Variants in SERPINB13 observed in about 807,000 individuals in gnomAD.
SERPINB13 encodes the protein serpin family B member 13, also known as serpin B13.
A neutral mutation model predicts 31.2 loss-of-function variants in SERPINB13; 26 were observed. The ratio of observed to expected loss-of-function variants is 0.83; its 90% CI spans 0.61 to 1.15. The LOEUF (loss-of-function observed/expected upper bound fraction) is 1.15, where lower values mean the gene tolerates loss of function less well. Among genes scored for constraint, SERPINB13 ranks in the 50% most tolerant of loss-of-function variants. The pLI is 0.00. For missense variants in SERPINB13, 510 were observed against 469.4 expected, an observed-to-expected ratio of 1.09 and a Z score of -0.80; for synonymous variants, 191 against 172.4, an observed-to-expected ratio of 1.11 and a Z score of -0.85.
chr18:63,589,329 G>A (rs1911705815), intron 2 of SERPINB13, among the ~76,000 whole-genome samples: 1 of 152,040 alleles, frequency 6.6e-6, no homozygotes, highest in South Asian at 2.1e-4. Context: ...GGTGGCAGGT[G>A]CTTATAATCC....
intron 4 of SERPINB13, 34 bp from the exon 5 acceptor site, chr18:63,592,820 A>T (rs779527642): frequency 8.6e-5 from 116 of 1,351,092 alleles, no homozygotes; most frequent in Non-Finnish European, 1.1e-4. Context: ...TGAGTTTTTA[A>T]CCTCTTTTTA....
chr18:63,590,069 AC>A (rs1911763134), intron 3 of SERPINB13: 1 of 194,334 alleles, frequency 5.1e-6, no homozygotes, highest in Non-Finnish European at 1.0e-5. Context: ...GAGCGATGCT[AC>A]TTTGGGCAAG....
In SERPINB13 at chr18:63,597,453, T is replaced by C; in HGVS notation, c.*90T>C. On this transcript the variant is annotated 3_prime_UTR_variant, in exon 8 of 8. Coordinates refer to ENST00000344731, the MANE Select transcript of SERPINB13 (RefSeq NM_012397.4). Reference sequence around the variant, plus strand: ...TATGAAAATCGTCCATTCTTTTAAATGTTGTCTCACTTGCATTTCCAGTCT... The same window carrying C: ...TATGAAAATCGTCCATTCTTTTAAACGTTGTCTCACTTGCATTTCCAGTCT... The C allele has an allele frequency of 1.5e-6, 2 of 1,366,752 alleles. No homozygotes were observed. Among genetic ancestry groups the C allele is most frequent in the Non-Finnish European group, 2.0e-6 (2 of 1,005,354 alleles). 84.7% of individuals were successfully genotyped at this position (1,366,752 alleles called of 1,614,324 possible).
chr18:63,591,865 C>T (rs1306871099), intron 3 of SERPINB13, among the ~76,000 whole-genome samples: 1 of 151,404 alleles, frequency 6.6e-6, no homozygotes, highest in Middle Eastern at 3.4e-3. Flanking sequence ...TTTTTTTTCC[C>T]CTGGAGACAA....
chr18:63,592,571 C>T (rs1911919967), intron 4 of SERPINB13, 95 bp downstream of exon 4: 2 of 1,264,108 alleles, frequency 1.6e-6, no homozygotes, highest in South Asian at 2.8e-5. Flanking sequence ...TGCTGCCTGG[C>T]TCTGGCCACA....
At chr18:63,595,435 A>C (rs549072263) in intron 7 of SERPINB13, among the ~76,000 whole-genome samples, 5 of 152,210 alleles carry the variant, frequency 3.3e-5, no homozygotes, top group Non-Finnish European at 7.3e-5. Context: ...ACGATCACCC[A>C]CCATTCTGAG....
At chr18:63,594,282 G>T (rs759511075) in intron 5 of SERPINB13, 73 bp from the exon 6 acceptor site, 1 of 1,597,248 alleles carries the variant, frequency 6.3e-7, no homozygotes, top group Non-Finnish European at 8.6e-7. Context: ...AAGTCCATCT[G>T]CATCATATTT....
intron 3 of SERPINB13, among the ~76,000 whole-genome samples, chr18:63,590,324 TA>T (rs918402069): frequency 1.3e-5 from 2 of 152,182 alleles, no homozygotes; most frequent in Non-Finnish European, 2.9e-5. Context: ...GGGAAAGGAA[TA>T]AGCCCATTAG....
Position 63,595,112 on chromosome 18 carries a change from A to C in SERPINB13, c.699A>C (p.Leu233=). The change falls in exon 7 of 8, where the codon CTA becomes CTC. Residue 233 remains leucine (L), a synonymous_variant. Transcript: ENST00000344731. ...TFLEDLQAKI[L]GIPYKNNDLS... is the part of the protein sequence containing the mutation. ...TGGAGGACTTGCAGGCCAAAATTCTAGGGATTCCATATAAAAACAACGACC... is the reference window on the plus strand; with the variant it reads ...TGGAGGACTTGCAGGCCAAAATTCTCGGGATTCCATATAAAAACAACGACC... 6.2e-7 allele frequency: 1 copy of C among 1,614,108 alleles called. No individual in the cohort carries two copies. The highest frequency in any genetic ancestry group is 8.5e-7 in the Non-Finnish European group (1 of 1,179,990).
intron 4 of SERPINB13, 43 bp from the exon 5 acceptor site, chr18:63,592,811 G>T: frequency 8.1e-7 from 1 of 1,236,680 alleles, no homozygotes; most frequent in South Asian, 1.3e-5. Flanking sequence ...TTGATAAATT[G>T]AGTTTTTAAC....
intron 1 of SERPINB13, 83 bp downstream of exon 1, chr18:63,587,533 T>G (rs1180232633): frequency 6.6e-6 from 3 of 451,468 alleles, no homozygotes; most frequent in Non-Finnish European, 9.1e-6. Flanking sequence ...TTACTTTTAT[T>G]TTGCATAGAC....
chr18:63,590,605 G>C (rs1204622321), intron 3 of SERPINB13, among the ~76,000 whole-genome samples: 3 of 152,208 alleles, frequency 2.0e-5, no homozygotes, highest in Non-Finnish European at 2.9e-5. Flanking sequence ...TGTCTTCAGA[G>C]CACATTCTTT....
chr18:63,589,941 G>T, intron 3 of SERPINB13: 2 of 813,104 alleles, frequency 2.5e-6, no homozygotes, highest in African/African-American at 1.7e-5. Flanking sequence ...TAGGTGTAAT[G>T]GACAATACCG....
rs781288186 is a variant in SERPINB13 at position 63,588,851 on chromosome 18, G to A, written c.165+19G>A. On this transcript the variant is annotated intron_variant, in intron 2 of 7. Coordinates refer to ENST00000344731, the MANE Select transcript of SERPINB13 (RefSeq NM_012397.4). ...GGAGGAGGTTGGGCGCAGTCAGGGG[G>A]CTTCCTTGTTTCCTATGCACAAATT... 1.2e-6 allele frequency: 2 copies of A among 1,607,864 alleles called. No homozygotes were observed. Among genetic ancestry groups the A allele is most frequent in the South Asian group, 2.2e-5 (2 of 90,684 alleles).
rs1320566469 is a variant in SERPINB13 at position 63,587,368 on chromosome 18, A to G, written c.-100A>G. ...ACTGCTGAAGCAGATGTGGAGAACT[A>G]TAAATTAAGGATCCCAGCTACTTAA... is the stretch of plus-strand genomic sequence containing the variant. On this transcript the variant is annotated 5_prime_UTR_variant, in exon 1 of 8. Coordinates refer to ENST00000344731, the MANE Select transcript of SERPINB13 (RefSeq NM_012397.4). The G allele has an allele frequency of 2.1e-6, 1 of 468,808 alleles. No homozygotes were observed. Among genetic ancestry groups the G allele is most frequent in the East Asian group, 7.0e-5 (1 of 14,388 alleles). 29.0% of individuals were successfully genotyped at this position (468,808 alleles called of 1,614,324 possible).
At position 63,597,162 on chromosome 18, in the gene SERPINB13, G is replaced by C. The variant is rs147695454; in HGVS notation, c.975G>C (p.Leu325Phe). The change falls in exon 8 of 8, where the codon TTG becomes TTC. Residue 325 changes from leucine to phenylalanine, a missense_variant. Leu to Phe is a conservative substitution (Grantham distance 22, BLOSUM62 0). Coordinates refer to ENST00000344731, the MANE Select transcript of SERPINB13 (RefSeq NM_012397.4). ...CGGGAATGTCGTCAGGCTCCGGGTT[G>C]TACGCCCAGAAGTTCCTGCACAGTT... is the stretch of plus-strand genomic sequence containing the variant. Reference protein sequence around the residue: ...DYSGMSSGSGLYAQKFLHSSF... With the variant: ...DYSGMSSGSGFYAQKFLHSSF... 5.6e-6 allele frequency: 9 copies of C among 1,614,092 alleles called. No individual in the cohort carries two copies. Among genetic ancestry groups the C allele is most frequent in the Non-Finnish European group, 7.6e-6 (9 of 1,180,044 alleles).
chr18:63,591,490 G>C (rs1325706998), intron 3 of SERPINB13, among the ~76,000 whole-genome samples: 1 of 148,922 alleles, frequency 6.7e-6, no homozygotes, highest in Admixed American at 6.7e-5. Context: ...ATGCAAAAAT[G>C]GCCTTTTTAA....
At position 63,597,738 on chromosome 18, in the gene SERPINB13, T is replaced by C. The variant is rs1599456420; in HGVS notation, c.*375T>C. On this transcript the variant is annotated 3_prime_UTR_variant, in exon 8 of 8. Transcript: ENST00000344731. ...CTAATTCTGGTATTTTGACATGTTA[T>C]AATACGCAAGTAAAATAAAACAATA... 5.9e-6 allele frequency: 1 copy of C among 169,068 alleles called. No individual in the cohort carries two copies. The highest frequency in any genetic ancestry group is 1.6e-4 in the East Asian group (1 of 6,336). 10.5% of individuals were successfully genotyped at this position (169,068 alleles called of 1,614,324 possible). A position where few individuals can be genotyped will look rare whatever the true frequency, so the allele number is the denominator to read the frequency against.
rs148885679 is a variant in SERPINB13, at chr18:63,588,791, C to T, written c.124C>T (p.Leu42Phe). The T allele has an allele frequency of 1.7e-3, 2,761 of 1,614,120 alleles. 42 individuals are homozygous for T. The South Asian group carries it at 0.022, about 13-fold the overall frequency. Residue 42 changes from leucine to phenylalanine, a missense_variant, in exon 2 of 8, where the codon CTC becomes TTC. Transcript: ENST00000344731. ...VGILTAIGMV[L>F]LGTRGATASQ... ...CATCTTGACTGCAATTGGCATGGTCCTCCTGGGGACCCGAGGAGCCACCGC... is the reference window on the plus strand; with the variant it reads ...CATCTTGACTGCAATTGGCATGGTCTTCCTGGGGACCCGAGGAGCCACCGC...
Sources: gnomAD v4.1 joint callset for allele counts (sites outside exome capture counted in the v4.1 genomes callset) on GRCh38, gnomAD v4.1.1 for gene constraint, MANE v1.5 for transcripts, NCBI Gene and HGNC (gene_info 2026-07-23, HGNC 2026-07-21) for gene names.